The following NOX5 variants were observed in gnomAD, a reference collection of about 807,000 sequenced individuals.
NOX5 encodes NADPH oxidase, EF-hand calcium binding domain 5.
NOX5 carries 76 observed loss-of-function variants against 85.7 expected under a neutral mutation model. The observed-to-expected ratio is 0.89, with a 90% confidence interval of 0.74 to 1.07. The LOEUF (loss-of-function observed/expected upper bound fraction) is 1.07, where lower values mean the gene tolerates loss of function less well. Among genes scored for constraint, NOX5 ranks in the 50% least tolerant of loss-of-function variants. NOX5 has a pLI of 0.00. For missense variants in NOX5, 973 were observed against 999.5 expected (o/e 0.97, Z 0.36); for synonymous variants, 405 against 401.4 (o/e 1.01, Z -0.11).
In NOX5 at chr15:69,042,695, C is replaced by T; in HGVS notation, c.1537C>T (p.Gln513Ter). The change falls in exon 10 of 16, where the codon CAG (glutamine) becomes TAG (stop). Residue 513 changes from glutamine to a stop codon, truncating the protein, a stop_gained. Coordinates refer to ENST00000388866, the MANE Select transcript of NOX5 (RefSeq NM_024505.4). LOFTEE classifies it high-confidence loss of function. ...TIWLHIRSQGQWTNRLYESFK... is the reference protein window; with the variant it reads ...TIWLHIRSQG ...CTGGCTGCACATTCGGTCCCAAGGC[C>T]AGTGGACAAACAGGCTGTATGAGTC... The T allele has an allele frequency of 6.2e-7, 1 of 1,614,050 alleles. No individual in the cohort carries two copies. Among genetic ancestry groups the T allele is most frequent in the Non-Finnish European group, 8.5e-7 (1 of 1,180,034 alleles).
chr15:69,023,478 TC>T, intron 1 of NOX5: 1 of 415,020 alleles, frequency 2.4e-6, no homozygotes, highest in Non-Finnish European at 4.7e-6. Context: ...TCTACTGAAA[TC>T]CCGAATAGAG....
At chr15:69,038,766 G>A in intron 8 of NOX5, 91 bp from the exon 9 acceptor site, 7 of 1,559,106 alleles carry the variant, frequency 4.5e-6, no homozygotes, top group Non-Finnish European at 6.2e-6. Flanking sequence ...TTATGGAGGA[G>A]GAGGGCAGCC....
At chr15:69,042,890 A>G (rs1272395790) in intron 10 of NOX5, 85 bp downstream of exon 10, 2 of 1,419,796 alleles carry the variant, frequency 1.4e-6, no homozygotes, top group Non-Finnish European at 9.6e-7. Context: ...GTGAGCATCA[A>G]TTATTGAGCA....
intron 3 of NOX5, 162 bp downstream of exon 3, chr15:69,028,527 C>T (rs1473248378): frequency 1.8e-6 from 1 of 548,418 alleles, no homozygotes; most frequent in African/African-American, 1.9e-5. Context: ...TTCCTCACAT[C>T]TCTCTCCCAG....
intron 14 of NOX5, among the ~76,000 whole-genome samples, chr15:69,053,045 A>G (rs1411839574): frequency 6.6e-6 from 1 of 152,124 alleles, no homozygotes; most frequent in African/African-American, 2.4e-5. Context: ...TATCACATCA[A>G]ATTTCTTTCA....
At chr15:69,030,861 G>T (rs1020013581) in intron 3 of NOX5, 1 of 152,188 alleles carries the variant, frequency 6.6e-6, no homozygotes, top group Non-Finnish European at 1.5e-5. Context: ...GCAAAGTGAG[G>T]TCCACTACCC....
chr15:69,052,616 A>G (rs2050763189), intron 14 of NOX5, among the ~76,000 whole-genome samples: 1 of 152,234 alleles, frequency 6.6e-6, no homozygotes, highest in Non-Finnish European at 1.5e-5. Context: ...AATTCCTATG[A>G]TAAACACAGT....
chr15:69,038,237 G>A (rs957846327), intron 8 of NOX5: 21 of 156,158 alleles, frequency 1.3e-4, no homozygotes, highest in African/African-American at 4.6e-4. Context: ...GGACCTGGGA[G>A]GCTGAAGAAT....
chr15:69,054,881 A>G (rs1042726782), intron 14 of NOX5, among the ~76,000 whole-genome samples: 1 of 152,182 alleles, frequency 6.6e-6, no homozygotes, highest in Non-Finnish European at 1.5e-5. Context: ...TTTGGAGCCC[A>G]GGGACTGCCA....
intron 1 of NOX5, among the ~76,000 whole-genome samples, chr15:69,019,029 A>AT (rs2050266338): frequency 1.3e-5 from 2 of 152,090 alleles, no homozygotes; most frequent in Non-Finnish European, 2.9e-5. Context: ...TGCCTGGCTA[A>AT]TTTTTTAAAT....
intron 13 of NOX5, among the ~76,000 whole-genome samples, chr15:69,048,722 A>G (rs1361204261): frequency 6.6e-6 from 1 of 152,190 alleles, no homozygotes; most frequent in Non-Finnish European, 1.5e-5. Flanking sequence ...AAACAATAGA[A>G]GATATTAGAG....
At chr15:69,017,137 G>GTATTTATTTATTTATT (rs148092449) in intron 1 of NOX5, among the ~76,000 whole-genome samples, 1 of 151,644 alleles carries the variant, frequency 6.6e-6, no homozygotes, top group South Asian at 2.1e-4. Flanking sequence ...AAATTTCTAA[G>GTATTTATTTATTTATT]TATTTATTTA....
intron 10 of NOX5, among the ~76,000 whole-genome samples, chr15:69,043,191 A>G (rs1182313203): frequency 6.6e-6 from 1 of 152,238 alleles, no homozygotes; most frequent in African/African-American, 2.4e-5. Flanking sequence ...TGACTATTTT[A>G]AAAACCAACT....
chr15:69,058,250 G>A lies in NOX5; in HGVS notation c.*1554G>A, dbSNP rs2050836665. ...AGGTAAAGAAGCCGGATCATAACCT[G>A]GATGATGATGTCCCTTATCTAAGGT... On this transcript the variant is annotated 3_prime_UTR_variant, in exon 16 of 16. Transcript: ENST00000388866. 1 of 152,366 alleles carries A rather than the reference G, an allele frequency of 6.6e-6. No individual in the cohort carries two copies. The highest frequency in any genetic ancestry group is 2.4e-5 in the African/African-American group (1 of 41,432). 9.4% of individuals were successfully genotyped at this position (152,366 alleles called of 1,614,324 possible).
rs898742024 is a variant in NOX5 at position 69,026,577 on chromosome 15, C to T, written c.100C>T (p.Gln34Ter). 7 of 1,614,080 alleles carry T rather than the reference C, an allele frequency of 4.3e-6. No individual in the cohort carries two copies. The highest frequency in any genetic ancestry group is 5.9e-6 in the Non-Finnish European group (7 of 1,180,030). ...DARWLRWVTQ[Q>*]FKTIAGEDGE... ...CAGGTGGCTCCGGTGGGTGACTCAG[C>T]AGTTTAAGACCATTGCAGGAGAAGA... The change falls in exon 2 of 16, where the codon CAG becomes TAG. Residue 34 changes from glutamine to a stop codon, truncating the protein, a stop_gained. Transcript: ENST00000388866. LOFTEE classifies it high-confidence loss of function.
intron 9 of NOX5, among the ~76,000 whole-genome samples, chr15:69,040,640 T>A (rs1417069021): frequency 5.3e-5 from 8 of 152,216 alleles, no homozygotes; most frequent in African/African-American, 1.9e-4. Flanking sequence ...GGGCGTGTCA[T>A]GTATTTCACC....
intron 10 of NOX5, 25 bp downstream of exon 10, chr15:69,042,830 G>A: frequency 1.2e-6 from 2 of 1,607,108 alleles, no homozygotes; most frequent in Non-Finnish European, 1.7e-6. Flanking sequence ...GAGGGAAGGG[G>A]TCCACTCTGC....
At chr15:69,016,751 GCA>G (rs984334297) in intron 1 of NOX5, among the ~76,000 whole-genome samples, 2 of 151,830 alleles carry the variant, frequency 1.3e-5, no homozygotes, top group South Asian at 2.1e-4. Flanking sequence ...AAGCATGCAT[GCA>G]CACACACACA....
Position 69,038,936 on chromosome 15 carries a change from T to G in NOX5, c.1451T>G (p.Ile484Ser). Residue 484 changes from isoleucine (I) to serine (S), a missense_variant, in exon 9 of 16, where the codon ATT becomes AGT. By Grantham distance (142) the Ile-to-Ser change is moderately radical. Transcript: ENST00000388866. ...TACTTGTATCTGAACATCCCCACCA[T>G]TGCTCGCTATGAGTGGCACCCCTTC... The part of the protein sequence containing the change: ...GDYLYLNIPT[I>S]ARYEWHPFTI... 6.2e-7 allele frequency: 1 copy of G among 1,614,106 alleles called. No individual in the cohort carries two copies. Among genetic ancestry groups the G allele is most frequent in the Non-Finnish European group, 8.5e-7 (1 of 1,180,004 alleles).
Sources: allele counts gnomAD v4.1 joint callset (sites outside exome capture counted in the v4.1 genomes callset), GRCh38; gene constraint gnomAD v4.1.1; transcripts MANE v1.5; gene names NCBI Gene and HGNC (gene_info 2026-07-23, HGNC 2026-07-21).